The following PIK3C2A variants were observed in gnomAD, a reference collection of about 807,000 sequenced individuals.
PIK3C2A encodes phosphatidylinositol 4-phosphate 3-kinase C2 domain-containing subunit alpha.
In PIK3C2A, 97 loss-of-function variants were observed where a neutral mutation model predicts 204.5. The ratio of observed to expected loss-of-function variants is 0.47; its 90% confidence interval spans 0.40 to 0.56. PIK3C2A has a LOEUF of 0.56. Among genes scored for constraint, PIK3C2A ranks in the 20% least tolerant of loss-of-function variants. PIK3C2A has a pLI of 0.00. For missense variants in PIK3C2A, 1,735 were observed against 1,969.2 expected, an observed-to-expected ratio of 0.88 and a Z score of 2.25; for synonymous variants, 653 against 664.4, an observed-to-expected ratio of 0.98 and a Z score of 0.26.
In PIK3C2A at chr11:17,178,806, T is replaced by C. The variant is rs1018966600; in HGVS notation, c.-65-9000A>G. 1.2e-4 allele frequency among the ~76,000 whole-genome samples: 17 copies of C among 145,672 alleles called. 1 individual carries two copies. The South Asian group carries it at 3.4e-3, about 29-fold the overall frequency. ...CTGCAGTGGCGCAATCTCAGCTCAC[T>C]GCAAGCTCCGCTTCCCGGGTTCACG... On this transcript the variant is annotated intron_variant, in intron 1 of 32. Coordinates refer to ENST00000691414, the MANE Select transcript of PIK3C2A (RefSeq NM_002645.4).
intron 5 of PIK3C2A, among the ~76,000 whole-genome samples, chr11:17,147,940 G>A (rs1414060211): frequency 1.3e-5 from 2 of 152,124 alleles, no homozygotes; most frequent in Non-Finnish European, 2.9e-5. Context: ...TTACAAGGCT[G>A]GGCACAGTGG....
At chr11:17,095,805 G>A (rs1343935045) in intron 27 of PIK3C2A, among the ~76,000 whole-genome samples, 1 of 150,714 alleles carries the variant, frequency 6.6e-6, no homozygotes, top group African/African-American at 2.4e-5. Context: ...GTCCCAGCTA[G>A]CCATTCAGGA....
intron 23 of PIK3C2A, among the ~76,000 whole-genome samples, chr11:17,103,634 T>C (rs1324297090): frequency 6.6e-6 from 1 of 152,164 alleles, no homozygotes; most frequent in Non-Finnish European, 1.5e-5. Context: ...TGTGTGTGTA[T>C]ACATTAACAT....
chr11:17,104,527 C>A lies in PIK3C2A; in HGVS notation c.3681+642G>T, dbSNP rs1191313613. Among the ~76,000 whole-genome samples, 3 of 152,090 alleles carry A rather than the reference C, an allele frequency of 2.0e-5. No individual in the cohort carries two copies. The East Asian group carries it at 5.8e-4, about 29-fold the overall frequency. On this transcript the variant is annotated intron_variant, in intron 23 of 32. Coordinates refer to ENST00000691414, the MANE Select transcript of PIK3C2A (RefSeq NM_002645.4). ...GATCACAAGGTCAGGAGATCGAGAC[C>A]ATCCCGGCTAACACAGTGAAACCCC...
rs1275758113 is a variant in PIK3C2A, at chr11:17,087,233, T to A, written c.*2505A>T. 1 of 152,198 alleles carries A rather than the reference T, an allele frequency of 6.6e-6. No homozygotes were observed. The highest frequency in any genetic ancestry group is 2.4e-5 in the African/African-American group (1 of 41,470). 9.4% of individuals were successfully genotyped at this position (152,198 alleles called of 1,614,324 possible). ...CTTGGCCAGTTTGTTAAACTTTTTTTAGATTTACTTTAATGTCAGCTTTTA... is the reference window on the plus strand; with the variant it reads ...CTTGGCCAGTTTGTTAAACTTTTTTAAGATTTACTTTAATGTCAGCTTTTA... On this transcript the variant is annotated 3_prime_UTR_variant, in exon 33 of 33. Coordinates refer to ENST00000691414, the MANE Select transcript of PIK3C2A (RefSeq NM_002645.4).
chr11:17,124,253 T>C (rs1204031499), intron 13 of PIK3C2A, among the ~76,000 whole-genome samples: 1 of 152,158 alleles, frequency 6.6e-6, no homozygotes, highest in Non-Finnish European at 1.5e-5. Context: ...CAAATACTGT[T>C]ATATATCTCT....
intron 5 of PIK3C2A, chr11:17,148,442 C>T (rs1207776846): frequency 4.4e-6 from 2 of 454,990 alleles, no homozygotes; most frequent in Admixed American, 6.8e-5. Flanking sequence ...AGACTACAAG[C>T]TCCTTAAGGG....
chr11:17,186,846 C>T (rs1413044394), intron 1 of PIK3C2A, among the ~76,000 whole-genome samples: 1 of 152,128 alleles, frequency 6.6e-6, no homozygotes, highest in Non-Finnish European at 1.5e-5. Context: ...GAGGCCAAGG[C>T]GAATGGTCAG....
chr11:17,179,322 C>T (rs1851452574), intron 1 of PIK3C2A, among the ~76,000 whole-genome samples: 1 of 151,856 alleles, frequency 6.6e-6, no homozygotes, highest in Admixed American at 6.6e-5. Context: ...CTACTACATC[C>T]AACTAATTTT....
At chr11:17,205,715 A>G (rs1852547765) in intron 1 of PIK3C2A, among the ~76,000 whole-genome samples, 1 of 152,202 alleles carries the variant, frequency 6.6e-6, no homozygotes, top group South Asian at 2.1e-4. Flanking sequence ...TTAATTGAAA[A>G]TTTTAGAACT....
chr11:17,146,283 G>A (rs1385677022), intron 6 of PIK3C2A, among the ~76,000 whole-genome samples: 1 of 152,090 alleles, frequency 6.6e-6, no homozygotes, highest in South Asian at 2.1e-4. Flanking sequence ...AATGCATATG[G>A]GGTAGAAAAC....
Position 17,135,130 on chromosome 11 carries a change from A to G in PIK3C2A, c.1878T>C (p.Thr626=). The G allele has an allele frequency of 6.2e-7, 1 of 1,614,106 alleles. No homozygotes were observed. The highest frequency in any genetic ancestry group is 8.5e-7 in the Non-Finnish European group (1 of 1,179,970). Residue 626 remains threonine, a synonymous_variant, in exon 10 of 33, where the codon ACT becomes ACC. Coordinates refer to ENST00000691414, the MANE Select transcript of PIK3C2A (RefSeq NM_002645.4). ...ACATACCCCTAGTTGAACTCCTGCTAGTGTCTTCTCCTCCAAACAAAGAAG... is the reference window on the plus strand; with the variant it reads ...ACATACCCCTAGTTGAACTCCTGCTGGTGTCTTCTCCTCCAAACAAAGAAG... The part of the protein sequence containing the change: ...DVTSLFGGED[T]SRSSTRGSLN...
chr11:17,124,495 G>A (rs1380422725), intron 13 of PIK3C2A, among the ~76,000 whole-genome samples: 9 of 145,662 alleles, frequency 6.2e-5, no homozygotes, highest in Admixed American at 2.1e-4. Context: ...TTGTTCTGTC[G>A]CCCAGGCTGA....
chr11:17,115,372 G>GAAA (rs58726258), intron 19 of PIK3C2A, among the ~76,000 whole-genome samples: 132 of 84,374 alleles, frequency 1.6e-3, no homozygotes, highest in Non-Finnish European at 1.8e-3. Context: ...GTCCCTACAA[G>GAAA]AAAAAAAAAA....
chr11:17,096,938 T>C, intron 27 of PIK3C2A, 119 bp downstream of exon 27: 2 of 636,672 alleles, frequency 3.1e-6, no homozygotes, highest in Non-Finnish European at 2.7e-6. Flanking sequence ...GGACCATTCA[T>C]GAAAGAAACA....
chr11:17,168,876 T>C lies in PIK3C2A; in HGVS notation c.866A>G (p.His289Arg). 1.2e-6 allele frequency: 2 copies of C among 1,614,180 alleles called. No homozygotes were observed. The highest frequency in any genetic ancestry group is 1.1e-5 in the South Asian group (1 of 91,084). ...PKVDNVEVLD[H>R]EEEKNVSSLL... ...ACTTGAAACATTTTTCTCTTCCTCA[T>C]GGTCTAATACCTCCACATTATCCAC... The change falls in exon 2 of 33, where the codon CAT (histidine) becomes CGT (arginine). Residue 289 changes from histidine (H) to arginine (R), a missense_variant. His to Arg is a conservative substitution (Grantham distance 29). This residue lies in a region of PIK3C2A where 536 missense variants were observed against 546.7 expected (regional missense o/e 0.98). Transcript: ENST00000691414.
At chr11:17,123,562 A>G (rs1849432400) in intron 13 of PIK3C2A, among the ~76,000 whole-genome samples, 1 of 151,718 alleles carries the variant, frequency 6.6e-6, no homozygotes, top group East Asian at 1.9e-4. Flanking sequence ...ACCTGGCCAG[A>G]TATGAGAAGT....
Position 17,089,916 on chromosome 11 carries a change from A to T in PIK3C2A, c.4883T>A (p.Val1628Glu). 1 of 1,543,704 alleles carries T rather than the reference A, an allele frequency of 6.5e-7. No individual in the cohort carries two copies. Residue 1628 changes from valine (V) to glutamate (E), a missense_variant, in exon 33 of 33, where the codon GTA becomes GAA. By Grantham distance (121) the Val-to-Glu change is moderately radical (BLOSUM62 -2). Around this residue, in one of 6 missense-constraint regions of PIK3C2A, gnomAD observed 503 missense variants for 669.0 expected, o/e 0.75. Transcript: ENST00000691414. The part of the protein sequence containing the change: ...TRNPTFNEML[V>E]YSGYSKETLR... ...GGTTTCTTTGCTATATCCACTGTAT[A>T]CAAGCTACAACAAAGGAAAAAAGAA...
intron 25 of PIK3C2A, among the ~76,000 whole-genome samples, chr11:17,100,593 GT>G (rs1363682361): frequency 6.6e-6 from 1 of 152,100 alleles, no homozygotes; most frequent in Non-Finnish European, 1.5e-5. Context: ...GTATCACATA[GT>G]GATAAAGTCT....
Sources: allele counts gnomAD v4.1 joint callset (sites outside exome capture counted in the v4.1 genomes callset), GRCh38; gene constraint gnomAD v4.1.1; regional missense constraint gnomAD v4.1.1; transcripts MANE v1.5; gene names NCBI Gene and HGNC (gene_info 2026-07-23, HGNC 2026-07-21).